The following OSBP variants were observed in gnomAD, a reference collection of about 807,000 sequenced individuals.
OSBP encodes the protein oxysterol-binding protein 1.
A neutral mutation model predicts 96.6 loss-of-function variants in OSBP; 32 were observed. That is an observed-to-expected ratio of 0.33 (90% CI 0.25 to 0.45). The LOEUF (loss-of-function observed/expected upper bound fraction) is 0.45, where lower values mean the gene tolerates loss of function less well. OSBP is among the 20% of genes least tolerant of loss of function. OSBP has a pLI of 1.00. For synonymous variants in OSBP, 369 were observed against 389.6 expected, an observed-to-expected ratio of 0.95 and a Z score of 0.62; for missense variants, 653 against 1,029.7, an observed-to-expected ratio of 0.63 and a Z score of 5.01.
chr11:59,589,247 C>T (rs1305155303), intron 9 of OSBP, among the ~76,000 whole-genome samples: 1 of 150,552 alleles, frequency 6.6e-6, no homozygotes, highest in East Asian at 2.0e-4. Context: ...CTTGGCCTCC[C>T]AAAGTGTTGG....
intron 7 of OSBP, 65 bp downstream of exon 7, chr11:59,600,431 A>G: frequency 6.4e-7 from 1 of 1,571,936 alleles, no homozygotes; most frequent in Non-Finnish European, 8.7e-7. Context: ...CTGTCATATC[A>G]GCACTCTTCC....
chr11:59,601,212 A>G, intron 5 of OSBP, 71 bp downstream of exon 5: 1 of 882,316 alleles, frequency 1.1e-6, no homozygotes, highest in South Asian at 1.4e-5. Context: ...TGGTTAAAAT[A>G]TGATGCTAAA....
At chr11:59,615,210 G>A in intron 1 of OSBP, 93 bp downstream of exon 1, 1 of 1,095,280 alleles carries the variant, frequency 9.1e-7, no homozygotes, top group East Asian at 3.2e-5. Flanking sequence ...GGGCAACCCT[G>A]GCTGCGGTGC....
chr11:59,595,998 A>AATAT (rs1235549819), intron 7 of OSBP, among the ~76,000 whole-genome samples: 4 of 149,828 alleles, frequency 2.7e-5, no homozygotes, highest in African/African-American at 9.9e-5. Flanking sequence ...TAAATAAATA[A>AATAT]AATTCATAAA....
chr11:59,581,468 T>G lies in OSBP; in HGVS notation c.1765A>C (p.Lys589Gln). The G allele has an allele frequency of 6.2e-7, 1 of 1,608,628 alleles. No individual in the cohort carries two copies. The highest frequency in any genetic ancestry group is 8.5e-7 in the Non-Finnish European group (1 of 1,175,460). The change falls in exon 10 of 14, where the codon AAG (lysine) becomes CAG (glutamine). Residue 589 changes from lysine (K) to glutamine (Q), a missense_variant. Transcript: ENST00000263847. ...TTCCTCACCTGATCTATCCACAACT[T>G]GCCCACAATAATGTTGTGTACAGTT... is the stretch of plus-strand genomic sequence containing the variant. ...TTTVHNIIVG[K>Q]LWIDQSGEID... is the part of the protein sequence containing the mutation.
intron 7 of OSBP, among the ~76,000 whole-genome samples, chr11:59,598,021 T>G (rs560915332): frequency 6.6e-6 from 1 of 152,178 alleles, no homozygotes; most frequent in South Asian, 2.1e-4. Flanking sequence ...TTTTATTATT[T>G]TAGAGACAGG....
chr11:59,604,058 G>A (rs554043434), intron 3 of OSBP, among the ~76,000 whole-genome samples: 7 of 152,268 alleles, frequency 4.6e-5, no homozygotes, highest in South Asian at 4.1e-4. Context: ...GAGTTGGACC[G>A]GTAGGGCTCA....
rs1403266892 is a variant in OSBP, at chr11:59,608,622, T to A, written c.684A>T (p.Ile228=). The change falls in exon 3 of 14, where the codon ATA becomes ATT. Residue 228 remains isoleucine (I), a synonymous_variant. Transcript: ENST00000263847. ...VEDLSTCNDL[I]AKHGTALQRS... ...GCTGCAGAGCTGTGCCATGCTTAGC[T>A]ATCAAGTCATTGCACGTGCTCAAGT... The A allele has an allele frequency of 6.2e-7, 1 of 1,614,082 alleles. No individual in the cohort carries two copies. The highest frequency in any genetic ancestry group is 1.7e-5 in the Admixed American group (1 of 60,008).
chr11:59,610,345 AG>A lies in OSBP; in HGVS notation c.571+35del, dbSNP rs539412273. 74 of 1,586,852 alleles carry A rather than the reference AG, an allele frequency of 4.7e-5. No homozygotes were observed. The African/African-American group carries it at 9.3e-4, about 20-fold the overall frequency. ...AAATCTGTGCATAAAAGGGGCAAAA[AG>A]AAAGTTCCCCAGGCAGGTGTTCTTT... On this transcript the variant is annotated intron_variant, in intron 2 of 13. Transcript: ENST00000263847.
In OSBP at chr11:59,608,660, T is replaced by A. The variant is rs1420348286; in HGVS notation, c.646A>T (p.Ser216Cys). Residue 216 changes from serine to cysteine, a missense_variant, in exon 3 of 14, where the codon AGC becomes TGC. Ser to Cys is a moderately radical substitution (Grantham distance 112, BLOSUM62 -1). This residue lies in a region of OSBP where 308 missense variants were observed against 573.1 expected (regional missense o/e 0.54). Coordinates refer to ENST00000263847, the MANE Select transcript of OSBP (RefSeq NM_002556.3). Reference sequence around the variant, plus strand: ...CACGTGCTCAAGTCCTCTACTTTGCTAGAGAGGGTCCGAAGGGTATTCTGC... The same window carrying A: ...CACGTGCTCAAGTCCTCTACTTTGCAAGAGAGGGTCCGAAGGGTATTCTGC... ...ELQNTLRTLS[S>C]KVEDLSTCND... 2 of 1,614,128 alleles carry A rather than the reference T, an allele frequency of 1.2e-6. No homozygotes were observed. Among genetic ancestry groups the A allele is most frequent in the Admixed American group, 1.7e-5 (1 of 60,022 alleles).
intron 12 of OSBP, among the ~76,000 whole-genome samples, chr11:59,577,281 G>A (rs370558480): frequency 4.6e-5 from 7 of 152,072 alleles, no homozygotes; most frequent in East Asian, 3.8e-4. Context: ...AATTATCTAC[G>A]TTCATTAGAA....
At chr11:59,609,485 GAA>G (rs1031021294) in intron 2 of OSBP, among the ~76,000 whole-genome samples, 10 of 98,270 alleles carry the variant, frequency 1.0e-4, no homozygotes, top group African/African-American at 3.1e-4. Context: ...CTAAAAGCAA[GAA>G]AAAAAAAAAA....
chr11:59,602,047 T>C (rs562138007), intron 3 of OSBP, among the ~76,000 whole-genome samples: 2 of 152,344 alleles, frequency 1.3e-5, no homozygotes, highest in Admixed American at 6.5e-5. Flanking sequence ...ATGGTTGTCA[T>C]GGTTCTTTTA....
At chr11:59,588,341 C>T (rs1230367928) in intron 9 of OSBP, among the ~76,000 whole-genome samples, 1 of 151,804 alleles carries the variant, frequency 6.6e-6, no homozygotes, top group African/African-American at 2.4e-5. Flanking sequence ...CAAGAACAGC[C>T]AGGCCAACAT....
chr11:59,603,913 G>T (rs1860750115), intron 3 of OSBP, among the ~76,000 whole-genome samples: 1 of 152,006 alleles, frequency 6.6e-6, no homozygotes, highest in African/African-American at 2.4e-5. Flanking sequence ...AAAATTAAGG[G>T]GCATCCTTCT....
intron 11 of OSBP, among the ~76,000 whole-genome samples, chr11:59,578,734 G>A (rs1365727406): frequency 2.0e-5 from 3 of 152,214 alleles, no homozygotes; most frequent in Non-Finnish European, 2.9e-5. Flanking sequence ...TTATAGGCAT[G>A]AGCCACCATG....
At chr11:59,593,807 T>C in intron 8 of OSBP, 83 bp from the exon 9 acceptor site, 1 of 1,574,016 alleles carries the variant, frequency 6.4e-7, no homozygotes, top group Non-Finnish European at 8.7e-7. Context: ...AACACCAAAA[T>C]TCACACTTGA....
chr11:59,578,253 A>G lies in OSBP; in HGVS notation c.1956T>C (p.Cys652=), dbSNP rs1184726631. The G allele has an allele frequency of 3.7e-6, 6 of 1,614,008 alleles. No individual in the cohort carries two copies. Among genetic ancestry groups the G allele is most frequent in the East Asian group, 2.2e-5 (1 of 44,892 alleles). ...CCCCAATGACTGGCTGTACTTTGAAACATTCCATTTTCTCATCCCACGTCC... is the reference window on the plus strand; with the variant it reads ...CCCCAATGACTGGCTGTACTTTGAAGCATTCCATTTTCTCATCCCACGTCC... ...LLGTWDEKME[C]FKVQPVIGEN... Residue 652 remains cysteine (C), a synonymous_variant, in exon 12 of 14, where the codon TGT becomes TGC. Coordinates refer to ENST00000263847, the MANE Select transcript of OSBP (RefSeq NM_002556.3).
At chr11:59,604,457 T>G (rs991873980) in intron 3 of OSBP, among the ~76,000 whole-genome samples, 1 of 152,152 alleles carries the variant, frequency 6.6e-6, no homozygotes, top group African/African-American at 2.4e-5. Context: ...ATCCCAGCAC[T>G]TTGGGAGGCC....
Sources: gnomAD v4.1 joint callset for allele counts (sites outside exome capture counted in the v4.1 genomes callset) on GRCh38, gnomAD v4.1.1 for gene constraint, gnomAD v4.1.1 regional missense constraint, MANE v1.5 for transcripts, NCBI Gene and HGNC (gene_info 2026-07-23, HGNC 2026-07-21) for gene names.